Variants in PDS5A observed in about 807,000 individuals in gnomAD.
The protein encoded by PDS5A is PDS5 cohesin associated factor A, also known as sister chromatid cohesion protein PDS5 homolog A.
PDS5A carries 42 observed loss-of-function variants against 167.1 expected under a neutral mutation model. That is an observed-to-expected ratio of 0.25 (90% confidence interval 0.20 to 0.33). The LOEUF (loss-of-function observed/expected upper bound fraction) is 0.33. PDS5A is among the 10% of genes least tolerant of loss of function. The probability of loss-of-function intolerance (pLI) is 1.00; values close to 1 mark genes in which losing one functional copy is unlikely to be tolerated. For missense variants in PDS5A, 1,033 were observed against 1,605.9 expected (o/e 0.64, Z 6.10); for synonymous variants, 553 against 554.6 (o/e 1.00, Z 0.04).
At chr4:39,907,563 T>C (rs542789051) in intron 11 of PDS5A, among the ~76,000 whole-genome samples, 2 of 151,544 alleles carry the variant, frequency 1.3e-5, no homozygotes, top group South Asian at 2.1e-4. Flanking sequence ...CTACTTTTCC[T>C]TAACAATCCA....
intron 16 of PDS5A, among the ~76,000 whole-genome samples, chr4:39,891,316 G>A (rs1178755331): frequency 2.0e-5 from 3 of 151,706 alleles, no homozygotes; most frequent in Non-Finnish European, 4.4e-5. Flanking sequence ...TTATAGGCAT[G>A]AGCCACTGTG....
chr4:39,887,020 G>A (rs991599637), intron 17 of PDS5A, among the ~76,000 whole-genome samples: 26 of 151,444 alleles, frequency 1.7e-4, no homozygotes, highest in Non-Finnish European at 2.9e-4. Context: ...ACAGTTTTTC[G>A]GTGGAGTCTT....
intron 2 of PDS5A, chr4:39,974,371 A>T: frequency 2.3e-6 from 1 of 427,520 alleles, no homozygotes; most frequent in South Asian, 1.9e-5. Flanking sequence ...ATCCAACATT[A>T]GAATTCAAGG....
chr4:39,869,722 A>G (rs893609909), intron 21 of PDS5A, among the ~76,000 whole-genome samples: 11 of 152,104 alleles, frequency 7.2e-5, no homozygotes, highest in Non-Finnish European at 1.5e-4. Context: ...AACTCAGAAA[A>G]CCCTTGCATA....
At chr4:39,866,371 C>T (rs569491262) in intron 23 of PDS5A, among the ~76,000 whole-genome samples, 213 of 152,280 alleles carry the variant, frequency 1.4e-3, no homozygotes, top group African/African-American at 4.9e-3. Context: ...CCCGTCTCGG[C>T]CTCCCAAAAT....
chr4:39,930,148 G>C (rs1460250428), intron 2 of PDS5A, among the ~76,000 whole-genome samples: 1 of 125,726 alleles, frequency 8.0e-6, no homozygotes, highest in Non-Finnish European at 1.6e-5. Flanking sequence ...CCGGGAGGCA[G>C]AAGTTGCAGT....
intron 26 of PDS5A, among the ~76,000 whole-genome samples, chr4:39,860,078 GA>G (rs1718857000): frequency 6.6e-6 from 1 of 151,270 alleles, no homozygotes; most frequent in South Asian, 2.1e-4. Context: ...TATAAAGAGA[GA>G]GAAAAAAAAA....
At chr4:39,967,766 T>C (rs1335486618) in intron 2 of PDS5A, among the ~76,000 whole-genome samples, 1 of 152,134 alleles carries the variant, frequency 6.6e-6, no homozygotes, top group Non-Finnish European at 1.5e-5. Context: ...GAGACCAGCC[T>C]GGCCAACATG....
chr4:39,898,590 T>C, intron 15 of PDS5A, 62 bp from the exon 16 acceptor site: 1 of 1,142,642 alleles, frequency 8.8e-7, no homozygotes. Flanking sequence ...TCTACTAAGC[T>C]AAAAACAGGT....
intron 16 of PDS5A, among the ~76,000 whole-genome samples, chr4:39,891,060 C>T (rs1186268808): frequency 2.0e-5 from 3 of 150,940 alleles, no homozygotes; most frequent in African/African-American, 7.3e-5. Context: ...GCTGGAGTCT[C>T]GCTCTGTCAG....
Position 39,823,683 on chromosome 4 carries a change from T to G in PDS5A, c.*1802A>C, listed in dbSNP as rs1715038856. On this transcript the variant is annotated 3_prime_UTR_variant, in exon 33 of 33. Transcript: ENST00000303538. ...TTTCAGCATGTTGGAGGCAATATTT[T>G]ATACTTTCTAAAGGGTTCTGAAGAG... 6.6e-6 allele frequency: 1 copy of G among 152,620 alleles called. No homozygotes were observed. Among genetic ancestry groups the G allele is most frequent in the Admixed American group, 6.6e-5 (1 of 15,266 alleles). The allele number at this position is 152,620 out of a possible 1,614,324, so 9.5% of individuals were successfully genotyped here. A position where few individuals can be genotyped will look rare whatever the true frequency, so the allele number is the denominator to read the frequency against.
intron 2 of PDS5A, among the ~76,000 whole-genome samples, chr4:39,950,011 T>C (rs1728196467): frequency 6.6e-6 from 1 of 151,844 alleles, no homozygotes; most frequent in Admixed American, 6.6e-5. Context: ...GTTTAAGTGA[T>C]TCTCCTGCCT....
At chr4:39,937,401 C>T (rs1726725188) in intron 2 of PDS5A, among the ~76,000 whole-genome samples, 1 of 151,992 alleles carries the variant, frequency 6.6e-6, no homozygotes, top group Admixed American at 6.6e-5. Context: ...CTCAATACAG[C>T]TATTAAAAAT....
chr4:39,898,263 C>A, intron 16 of PDS5A, 126 bp downstream of exon 16: 1 of 1,344,504 alleles, frequency 7.4e-7, no homozygotes, highest in South Asian at 2.3e-5. Flanking sequence ...AGATATACTC[C>A]AAAGTAATTC....
rs147548210 is a variant in PDS5A at position 39,922,472 on chromosome 4, A to G, written c.654+150T>C. The G allele has an allele frequency of 3.4e-3, 1,991 of 582,418 alleles. 8 individuals carry two copies. Among genetic ancestry groups the G allele is most frequent in the South Asian group, 9.5e-3 (143 of 14,984 alleles). The allele number at this position is 582,418 out of a possible 1,614,324, so 36.1% of individuals were successfully genotyped here. On this transcript the variant is annotated intron_variant, in intron 6 of 32. Transcript: ENST00000303538. ...AATATATTTTGTAAAAATAATAGCC[A>G]CAAGACTAATGCATGTTATTTTATT...
In PDS5A at chr4:39,845,892, A is replaced by G. The variant is rs772188025; in HGVS notation, c.3340-12T>C. 3 of 1,342,176 alleles carry G rather than the reference A, an allele frequency of 2.2e-6. No individual in the cohort carries two copies. The highest frequency in any genetic ancestry group is 3.9e-5 in the Admixed American group (1 of 25,688). The allele number at this position is 1,342,176 out of a possible 1,614,324, so 83.1% of individuals were successfully genotyped here. Reference sequence around the variant, plus strand: ...TCGTTACAGAAGTCCTATTAAAAAAAAAAAAGAAAAAGAAAAAAGAAACAC... The same window carrying G: ...TCGTTACAGAAGTCCTATTAAAAAAGAAAAAGAAAAAGAAAAAAGAAACAC... On this transcript the variant is annotated splice_polypyrimidine_tract_variant and intron_variant, in intron 28 of 32. Coordinates refer to ENST00000303538, the MANE Select transcript of PDS5A (RefSeq NM_001100399.2).
intron 2 of PDS5A, among the ~76,000 whole-genome samples, chr4:39,934,605 CTTTT>C (rs955582839): frequency 1.6e-3 from 174 of 109,226 alleles, no homozygotes; most frequent in African/African-American, 5.5e-3. Context: ...CTTAGTATTT[CTTTT>C]TTTTTCTTTT....
chr4:39,867,749 CA>C (rs1719633153), intron 22 of PDS5A, among the ~76,000 whole-genome samples: 1 of 148,298 alleles, frequency 6.7e-6, no homozygotes, highest in African/African-American at 2.5e-5. Flanking sequence ...CACACACACA[CA>C]CACACACACA....
At chr4:39,896,843 G>A (rs1722459294) in intron 16 of PDS5A, among the ~76,000 whole-genome samples, 1 of 150,202 alleles carries the variant, frequency 6.7e-6, no homozygotes, top group Non-Finnish European at 1.5e-5. Flanking sequence ...CTAGGCCTAC[G>A]CCAGGTCAGG....
Sources: allele counts gnomAD v4.1 joint callset (sites outside exome capture counted in the v4.1 genomes callset), GRCh38; gene constraint gnomAD v4.1.1; transcripts MANE v1.5; gene names NCBI Gene and HGNC (gene_info 2026-07-23, HGNC 2026-07-21).